MYPN: variants seen among roughly 807,000 people sequenced by gnomAD.
The protein encoded by MYPN is myopalladin.
Under a neutral mutation model 129.4 loss-of-function variants are expected in MYPN, and 63 were observed. The observed-to-expected ratio is 0.49, with a 90% confidence interval of 0.40 to 0.60. The LOEUF is 0.60. Among genes scored for constraint, MYPN ranks in the 20% least tolerant of loss-of-function variants. MYPN has a pLI of 0.00. For missense variants in MYPN, 1,596 were observed against 1,635.4 expected (o/e 0.98, Z 0.42); for synonymous variants, 629 against 600.9 (o/e 1.05, Z -0.68).
intron 1 of MYPN, among the ~76,000 whole-genome samples, chr10:68,114,609 A>G (rs1022836363): frequency 6.6e-6 from 1 of 152,110 alleles, no homozygotes; most frequent in Non-Finnish European, 1.5e-5. Context: ...TCGGCCTCCC[A>G]AAGTGCAGGG....
chr10:68,117,020 G>A (rs1187299178), intron 1 of MYPN, among the ~76,000 whole-genome samples: 2 of 151,844 alleles, frequency 1.3e-5, no homozygotes, highest in Non-Finnish European at 2.9e-5. Context: ...AGGAGTTCAA[G>A]ACCATCCAGA....
At chr10:68,117,003 C>T (rs1043218746) in intron 1 of MYPN, among the ~76,000 whole-genome samples, 7 of 152,002 alleles carry the variant, frequency 4.6e-5, no homozygotes, top group East Asian at 1.9e-4. Context: ...GTGGATCACT[C>T]GAGGTCAGGA....
intron 10 of MYPN, among the ~76,000 whole-genome samples, chr10:68,172,067 A>G (rs1210727338): frequency 1.3e-5 from 2 of 152,252 alleles, no homozygotes; most frequent in Non-Finnish European, 2.9e-5. Context: ...ATATTTCCAA[A>G]GAACATAAAA....
At chr10:68,173,268 G>A (rs1438942745) in intron 10 of MYPN, among the ~76,000 whole-genome samples, 1 of 152,166 alleles carries the variant, frequency 6.6e-6, no homozygotes, top group African/African-American at 2.4e-5. Flanking sequence ...GGAGAATACA[G>A]CATGTTCTCA....
At chr10:68,142,835 T>C (rs191579365) in intron 2 of MYPN, 105 bp from the exon 3 acceptor site, 1 of 1,094,150 alleles carries the variant, frequency 9.1e-7, no homozygotes. Flanking sequence ...TTTGTTGTTG[T>C]TGTTCTGACT....
At chr10:68,110,494 A>C (rs75122742) in intron 1 of MYPN, among the ~76,000 whole-genome samples, 7,909 of 152,256 alleles carry the variant, frequency 0.052, 554 homozygotes, top group East Asian at 0.2. Context: ...AATTTTAGTA[A>C]CTTATCAACA....
chr10:68,116,875 T>C (rs1031324250), intron 1 of MYPN, among the ~76,000 whole-genome samples: 4 of 152,204 alleles, frequency 2.6e-5, no homozygotes, highest in African/African-American at 9.7e-5. Context: ...TCTTTGTGTC[T>C]ATAAGTTTTC....
At chr10:68,182,811 A>C (rs1330428095) in intron 12 of MYPN, among the ~76,000 whole-genome samples, 1 of 152,046 alleles carries the variant, frequency 6.6e-6, no homozygotes, top group Non-Finnish European at 1.5e-5. Flanking sequence ...CCCGGTCTCT[A>C]ATAGTATATT....
chr10:68,117,998 T>A (rs1450609314), intron 1 of MYPN, among the ~76,000 whole-genome samples: 2 of 152,070 alleles, frequency 1.3e-5, no homozygotes, highest in Non-Finnish European at 2.9e-5. Context: ...TTGAACCCAG[T>A]TCTATCTAAT....
upstream of MYPN, chr10:68,106,227 G>A (rs915843886): frequency 4.5e-6 from 2 of 444,384 alleles, no homozygotes; most frequent in Non-Finnish European, 8.9e-6. Context: ...TAAAGTGGGT[G>A]TTCTGTTTAG....
At chr10:68,194,302 T>C in intron 13 of MYPN, 61 bp from the exon 14 acceptor site, 1 of 1,585,380 alleles carries the variant, frequency 6.3e-7, no homozygotes. Context: ...CCCCAGACCC[T>C]AGTTCATTAA....
At chr10:68,117,780 A>AAAT (rs1256206404) in intron 1 of MYPN, among the ~76,000 whole-genome samples, 2 of 151,084 alleles carry the variant, frequency 1.3e-5, no homozygotes, top group Non-Finnish European at 2.9e-5. Context: ...CATAGCTGTT[A>AAAT]AATAATAATA....
In MYPN at chr10:68,149,952, T is replaced by C. The variant is rs1384628113; in HGVS notation, c.1246-88T>C. The C allele has an allele frequency of 3.2e-6, 4 of 1,253,786 alleles. No homozygotes were observed. In the African/African-American group the frequency reaches 4.5e-5, roughly 14 times the overall value. The allele number at this position is 1,253,786 out of a possible 1,614,324, so 77.7% of individuals were successfully genotyped here. A position where few individuals can be genotyped will look rare whatever the true frequency, so the allele number is the denominator to read the frequency against. ...GTTTTTTGGTTTGGGATGCATTTCA[T>C]ATACCAAATTCTATAGGTTTGTTAT... On this transcript the variant is annotated intron_variant, in intron 5 of 19. Coordinates refer to ENST00000358913, the MANE Select transcript of MYPN (RefSeq NM_032578.4).
Position 68,163,468 on chromosome 10 carries a change from A to C in MYPN, c.1483+1716A>C, listed in dbSNP as rs542055613. Among the ~76,000 whole-genome samples the C allele has an allele frequency of 2.6e-5, 4 of 152,006 alleles. No homozygotes were observed. The South Asian group carries it at 8.3e-4, about 32-fold the overall frequency. On this transcript the variant is annotated intron_variant, in intron 8 of 19. Transcript: ENST00000358913. ...GGTGAAACCCCGTCTCTACTAAAAA[A>C]AATACAAAAAATTAGCCCGGCGTGG... is the stretch of plus-strand genomic sequence containing the variant.
upstream of MYPN, among the ~76,000 whole-genome samples, chr10:68,107,541 G>A (rs1251585418): frequency 6.6e-6 from 1 of 151,368 alleles, no homozygotes; most frequent in Non-Finnish European, 1.5e-5. Flanking sequence ...AGTAGAGATG[G>A]GGTTTCGCTA....
rs2043199295 is a variant in MYPN, at chr10:68,174,662, T to A, written c.2564+6T>A. 1 of 1,613,192 alleles carries A rather than the reference T, an allele frequency of 6.2e-7. No individual in the cohort carries two copies. Among genetic ancestry groups the A allele is most frequent in the Non-Finnish European group, 8.5e-7 (1 of 1,179,300 alleles). On this transcript the variant is annotated splice_donor_region_variant and intron_variant, in intron 11 of 19. Transcript: ENST00000358913. Reference sequence around the variant, plus strand: ...CCTAGAAGTGCACCATCCATGTAAGTGTCATTGAGGTTTCTTGATGTAAGA... The same window carrying A: ...CCTAGAAGTGCACCATCCATGTAAGAGTCATTGAGGTTTCTTGATGTAAGA...
rs1307541926 is a variant in MYPN at position 68,114,196 on chromosome 10, T to TA, written c.-2+4479dup. 5 of 152,274 alleles carry TA rather than the reference T, an allele frequency of 3.3e-5. No homozygotes were observed. In the East Asian group the frequency reaches 9.6e-4, roughly 29 times the overall value. 9.4% of individuals were successfully genotyped at this position (152,274 alleles called of 1,614,324 possible). A position where few individuals can be genotyped will look rare whatever the true frequency, so the allele number is the denominator to read the frequency against. ...CCAGCTTAAATTTTCATATTATAAC[T>TA]AAAAAATGAGTTTATTCCATGTATT... is the stretch of plus-strand genomic sequence containing the variant. On this transcript the variant is annotated intron_variant, in intron 1 of 19. Coordinates refer to ENST00000358913, the MANE Select transcript of MYPN (RefSeq NM_032578.4).
chr10:68,112,627 T>C (rs1327484542), intron 1 of MYPN, among the ~76,000 whole-genome samples: 1 of 152,224 alleles, frequency 6.6e-6, no homozygotes, highest in Non-Finnish European at 1.5e-5. Flanking sequence ...TGTATGCATT[T>C]GTCTGTATTT....
At chr10:68,171,354 G>T (rs2043142304) in intron 10 of MYPN, among the ~76,000 whole-genome samples, 1 of 152,080 alleles carries the variant, frequency 6.6e-6, no homozygotes, top group Admixed American at 6.6e-5. Flanking sequence ...TCTCAGTCCT[G>T]GATGACTGTG....
Sources: allele counts gnomAD v4.1 joint callset (sites outside exome capture counted in the v4.1 genomes callset), GRCh38; gene constraint gnomAD v4.1.1; transcripts MANE v1.5; gene names NCBI Gene and HGNC (gene_info 2026-07-23, HGNC 2026-07-21).